RASAL2: variants seen among roughly 807,000 people sequenced by gnomAD.
RASAL2 encodes the protein ras GTPase-activating protein nGAP.
RASAL2 carries 58 observed loss-of-function variants against 128.9 expected under a neutral mutation model. The ratio of observed to expected loss-of-function variants is 0.45; its 90% CI spans 0.36 to 0.56. RASAL2 has a LOEUF of 0.56. Among genes scored for constraint, RASAL2 ranks in the 20% least tolerant of loss-of-function variants. RASAL2 has a pLI of 0.00. For synonymous variants in RASAL2, 561 were observed against 580.8 expected (o/e 0.97, Z 0.49); for missense variants, 1,360 against 1,601.6 (o/e 0.85, Z 2.57).
rs754022841 is a variant in RASAL2, at chr1:178,420,585, C to T, written c.639C>T (p.Ser213=). 1.2e-6 allele frequency: 2 copies of T among 1,612,626 alleles called. No individual in the cohort carries two copies. Among genetic ancestry groups the T allele is most frequent in the Non-Finnish European group, 1.7e-6 (2 of 1,179,064 alleles). The change falls in exon 5 of 18, where the codon AGC becomes AGT. Residue 213 remains serine (S), a synonymous_variant. Coordinates refer to ENST00000367649, the MANE Select transcript of RASAL2 (RefSeq NM_170692.4). ...AGTCAAAGCTTGACAGAAACACGAG[C>T]TTTCGGCTTCCATCCCTTCGCAGTA... is the stretch of plus-strand genomic sequence containing the variant. ...KSQSKLDRNT[S]FRLPSLRSTD... is the part of the protein sequence containing the mutation.
At chr1:178,457,601 G>A in intron 13 of RASAL2, 82 bp from the exon 14 acceptor site, 1 of 1,404,936 alleles carries the variant, frequency 7.1e-7, no homozygotes. Flanking sequence ...ACCTTCGGAG[G>A]AGTTCATATG....
intron 1 of RASAL2, among the ~76,000 whole-genome samples, chr1:178,174,454 G>C (rs1044979111): frequency 2.6e-5 from 4 of 152,076 alleles, no homozygotes; most frequent in African/African-American, 9.7e-5. Flanking sequence ...AGAAACAAAT[G>C]CTGTACTTTT....
At chr1:178,180,692 C>CACACACAT (rs373371488) in intron 1 of RASAL2, among the ~76,000 whole-genome samples, 19 of 150,756 alleles carry the variant, frequency 1.3e-4, no homozygotes, top group African/African-American at 4.6e-4. Context: ...CACACACACA[C>CACACACAT]GATTCTGAGA....
chr1:178,181,759 C>T (rs899433516), intron 1 of RASAL2, among the ~76,000 whole-genome samples: 1 of 151,474 alleles, frequency 6.6e-6, no homozygotes, highest in African/African-American at 2.4e-5. Context: ...TGTAAAAGTA[C>T]CTCAACTGGG....
At chr1:178,231,956 A>G (rs940983201) in intron 1 of RASAL2, among the ~76,000 whole-genome samples, 1 of 152,214 alleles carries the variant, frequency 6.6e-6, no homozygotes, top group African/African-American at 2.4e-5. Flanking sequence ...TGATAAATAG[A>G]ACATTGTAAT....
chr1:178,460,431 A>C (rs1678107199), intron 14 of RASAL2, among the ~76,000 whole-genome samples: 1 of 152,174 alleles, frequency 6.6e-6, no homozygotes, highest in Non-Finnish European at 1.5e-5. Context: ...TGTCATTTAT[A>C]ACATTTTTTC....
intron 1 of RASAL2, among the ~76,000 whole-genome samples, chr1:178,112,474 C>T (rs893962309): frequency 2.6e-5 from 4 of 151,736 alleles, no homozygotes; most frequent in Non-Finnish European, 2.9e-5. Context: ...TGCTTGAACC[C>T]GGGAGGTGGA....
intron 3 of RASAL2, among the ~76,000 whole-genome samples, chr1:178,352,004 T>A (rs1670537950): frequency 6.6e-6 from 1 of 152,228 alleles, no homozygotes; most frequent in Admixed American, 6.5e-5. Flanking sequence ...TATTTCTAAA[T>A]AGAACTAACA....
intron 1 of RASAL2, among the ~76,000 whole-genome samples, chr1:178,218,881 A>G (rs1477356829): frequency 3.9e-5 from 6 of 152,220 alleles, no homozygotes; most frequent in African/African-American, 4.8e-5. Flanking sequence ...GAGTCAGCCT[A>G]TCCTTTGAAG....
At chr1:178,152,934 C>A (rs776068705) in intron 1 of RASAL2, among the ~76,000 whole-genome samples, 5 of 152,102 alleles carry the variant, frequency 3.3e-5, no homozygotes, top group South Asian at 2.1e-4. Context: ...ATTATTATAT[C>A]CCTCCAAATT....
At chr1:178,154,716 G>A (rs1661025682) in intron 1 of RASAL2, among the ~76,000 whole-genome samples, 1 of 152,118 alleles carries the variant, frequency 6.6e-6, no homozygotes, top group South Asian at 2.1e-4. Flanking sequence ...GATAAACATT[G>A]CAAGAGCACA....
chr1:178,255,462 C>A (rs2102104768), intron 1 of RASAL2, among the ~76,000 whole-genome samples: 1 of 151,858 alleles, frequency 6.6e-6, no homozygotes, highest in East Asian at 1.9e-4. Flanking sequence ...GGGAATAAAG[C>A]TGTATTGGAC....
chr1:178,314,207 A>T (rs1557895386), intron 3 of RASAL2, among the ~76,000 whole-genome samples: 2 of 152,218 alleles, frequency 1.3e-5, no homozygotes, highest in Admixed American at 6.5e-5. Context: ...ACGTGAGAAG[A>T]TCCAAAAGTG....
chr1:178,169,765 G>T (rs1185089359), intron 1 of RASAL2, among the ~76,000 whole-genome samples: 2 of 151,940 alleles, frequency 1.3e-5, no homozygotes, highest in Non-Finnish European at 2.9e-5. Flanking sequence ...TGAAGGCTGT[G>T]GTATTTAATT....
chr1:178,369,081 A>C (rs1053824634), intron 3 of RASAL2, among the ~76,000 whole-genome samples: 1 of 152,192 alleles, frequency 6.6e-6, no homozygotes, highest in Non-Finnish European at 1.5e-5. Flanking sequence ...TCGGATTATA[A>C]AAAGAGGAAA....
intron 1 of RASAL2, among the ~76,000 whole-genome samples, chr1:178,174,140 G>T (rs1015738484): frequency 6.6e-6 from 1 of 151,948 alleles, no homozygotes; most frequent in African/African-American, 2.4e-5. Flanking sequence ...AATTTAGTAT[G>T]ATATGAAAAA....
chr1:178,459,427 G>A (rs1678019044), intron 14 of RASAL2, among the ~76,000 whole-genome samples: 1 of 151,836 alleles, frequency 6.6e-6, no homozygotes, highest in Non-Finnish European at 1.5e-5. Flanking sequence ...CATTGTATTA[G>A]TTGAATTTTT....
In RASAL2 at chr1:178,135,433, G is replaced by T. The variant is rs562500366; in HGVS notation, c.202+40739G>T. 2.4e-3 allele frequency among the ~76,000 whole-genome samples: 352 copies of T among 144,586 alleles called. 1 individual carries two copies. Among genetic ancestry groups the T allele is most frequent in the African/African-American group, 8.8e-3 (344 of 38,998 alleles). 94.9% of individuals were successfully genotyped at this position (144,586 alleles called of 152,430 possible). ...GTGAATGGCTTTTTCAAATTAATTT[G>T]GCCTAAATATTATCCCAATTTATTA... On this transcript the variant is annotated intron_variant, in intron 1 of 17. Transcript: ENST00000367649.
chr1:178,094,899 C>T (rs1204241743), intron 1 of RASAL2, among the ~76,000 whole-genome samples: 1 of 152,150 alleles, frequency 6.6e-6, no homozygotes, highest in East Asian at 1.9e-4. Context: ...GTCTTTGGAC[C>T]TCTTCAGACA....
Sources: gnomAD v4.1 joint callset for allele counts (sites outside exome capture counted in the v4.1 genomes callset) on GRCh38, gnomAD v4.1.1 for gene constraint, MANE v1.5 for transcripts, NCBI Gene and HGNC (gene_info 2026-07-23, HGNC 2026-07-21) for gene names.